The following AKR1E2 variants were observed in gnomAD, a reference collection of about 807,000 sequenced individuals.
AKR1E2 encodes the protein aldo-keto reductase family 1 member E2.
Under a neutral mutation model 41.9 loss-of-function variants are expected in AKR1E2, and 43 were observed. That is an observed-to-expected ratio of 1.03 (90% CI 0.80 to 1.32). The LOEUF (loss-of-function observed/expected upper bound fraction) is 1.32, where lower values mean the gene tolerates loss of function less well. Among genes scored for constraint, AKR1E2 ranks in the 40% most tolerant of loss-of-function variants. The pLI is 0.00. For missense variants in AKR1E2, 423 were observed against 396.5 expected, an observed-to-expected ratio of 1.07 and a Z score of -0.57; for synonymous variants, 121 against 138.9, an observed-to-expected ratio of 0.87 and a Z score of 0.91.
At chr10:4,870,496 T>C in the AKR1E2 span, among the ~76,000 whole-genome samples, 1 of 28,212 alleles carries the variant, frequency 3.5e-5, no homozygotes, top group Admixed American at 5.7e-4. Flanking sequence ...AAAAAATCTT[T>C]TATTTTACCT....
intron 8 of AKR1E2, among the ~76,000 whole-genome samples, chr10:4,844,278 C>T (rs1021230302): frequency 2.4e-4 from 37 of 151,952 alleles, no homozygotes; most frequent in Admixed American, 1.8e-3. Flanking sequence ...TGGAGTTGTT[C>T]GTTCCTCCCG....
At chr10:4,854,095 T>TTG in the AKR1E2 span, among the ~76,000 whole-genome samples, 3,069 of 140,252 alleles carry the variant, frequency 0.022, 85 homozygotes, top group East Asian at 0.058. Flanking sequence ...GTTTTTTTTT[T>TTG]TTTTTTTTTT....
the AKR1E2 span, among the ~76,000 whole-genome samples, chr10:4,853,419 T>C: frequency 6.7e-6 from 1 of 148,186 alleles, no homozygotes; most frequent in Non-Finnish European, 1.5e-5. Flanking sequence ...TTAATTGCAA[T>C]ATTGCAATGA....
Position 4,827,075 on chromosome 10 carries a change from G to GAA in AKR1E2, c.39+729_39+730dup, listed in dbSNP as rs5782783. On this transcript the variant is annotated intron_variant, in intron 1 of 9. Transcript: ENST00000298375. ...TTGGGGACAGAGCCAGACCTTGCTG[G>GAA]AAAAAAAAAAAAAAAAAAGAAAAAA... Among the ~76,000 whole-genome samples, 448 of 123,102 alleles carry GAA rather than the reference G, an allele frequency of 3.6e-3. 2 individuals are homozygous for GAA. The highest frequency in any genetic ancestry group is 9.2e-3 in the East Asian group (41 of 4,468). The allele number at this position is 123,102 out of a possible 152,430, so 80.8% of individuals were successfully genotyped here. A position where few individuals can be genotyped will look rare whatever the true frequency, so the allele number is the denominator to read the frequency against.
At chr10:4,832,142 C>T (rs1354839230) in intron 2 of AKR1E2, among the ~76,000 whole-genome samples, 1 of 152,056 alleles carries the variant, frequency 6.6e-6, no homozygotes, top group African/African-American at 2.4e-5. Flanking sequence ...GATCAGGAGT[C>T]ATGGGTTCAT....
chr10:4,832,119 T>TG (rs2131506514), intron 2 of AKR1E2, among the ~76,000 whole-genome samples: 1 of 29,178 alleles, frequency 3.4e-5, no homozygotes, highest in South Asian at 1.4e-3. Flanking sequence ...GGAAGCAGAA[T>TG]GTAAGACCAT....
the AKR1E2 span, among the ~76,000 whole-genome samples, chr10:4,854,102 T>TG: frequency 6.7e-6 from 1 of 149,886 alleles, no homozygotes; most frequent in African/African-American, 2.5e-5. Context: ...TTTTTTTTTT[T>TG]TTTTTTTTTT....
downstream of AKR1E2, among the ~76,000 whole-genome samples, chr10:4,849,359 A>C (rs1395950903): frequency 3.3e-5 from 5 of 152,184 alleles, no homozygotes; most frequent in African/African-American, 1.2e-4. Context: ...TTAAACCTTT[A>C]AACTCTTTGT....
chr10:4,857,134 ATTG>A, the AKR1E2 span, among the ~76,000 whole-genome samples: 4 of 152,104 alleles, frequency 2.6e-5, no homozygotes, highest in African/African-American at 9.7e-5. Context: ...CACTTACCAT[ATTG>A]TTTTCAAGAC....
At chr10:4,861,658 C>T in the AKR1E2 span, among the ~76,000 whole-genome samples, 4 of 152,190 alleles carry the variant, frequency 2.6e-5, no homozygotes, top group South Asian at 2.1e-4. Flanking sequence ...CATGAACCAC[C>T]GCGCCTGGCC....
the AKR1E2 span, among the ~76,000 whole-genome samples, chr10:4,866,826 C>T: frequency 1.3e-5 from 2 of 151,792 alleles, no homozygotes; most frequent in African/African-American, 2.4e-5. Context: ...TCAAAGCTGC[C>T]TTCTTGTGCT....
chr10:4,825,565 T>C (rs188404110), upstream of AKR1E2, among the ~76,000 whole-genome samples: 143 of 152,286 alleles, frequency 9.4e-4, no homozygotes, highest in African/African-American at 3.3e-3. Flanking sequence ...ACCCCCGCTG[T>C]CCTGCAAGCC....
the AKR1E2 span, among the ~76,000 whole-genome samples, chr10:4,865,250 A>C: frequency 6.6e-6 from 1 of 152,210 alleles, no homozygotes; most frequent in Non-Finnish European, 1.5e-5. Context: ...CTTTTAAATC[A>C]TTAAGAAAAT....
downstream of AKR1E2, among the ~76,000 whole-genome samples, chr10:4,851,598 A>G (rs1294021105): frequency 6.6e-6 from 1 of 152,228 alleles, no homozygotes; most frequent in Non-Finnish European, 1.5e-5. Flanking sequence ...ATTAGCTAGT[A>G]CTAACTCGAT....
intron 1 of AKR1E2, among the ~76,000 whole-genome samples, chr10:4,826,654 C>T (rs1832537361): frequency 6.6e-6 from 1 of 152,188 alleles, no homozygotes; most frequent in Admixed American, 6.5e-5. Context: ...TTGGGCGGGG[C>T]TGCTCTGTGG....
intron 8 of AKR1E2, among the ~76,000 whole-genome samples, chr10:4,843,642 A>G (rs17133752): frequency 0.035 from 5,309 of 152,302 alleles, 150 homozygotes; most frequent in East Asian, 0.12. Flanking sequence ...CCCATCTGTA[A>G]CAGTGCCTGT....
chr10:4,841,594 G>A (rs1432748965), intron 6 of AKR1E2, among the ~76,000 whole-genome samples, 191 bp from the exon 7 acceptor site: 1 of 152,106 alleles, frequency 6.6e-6, no homozygotes, highest in Non-Finnish European at 1.5e-5. Context: ...TCACCAAAGT[G>A]TTAGCAGTGG....
In AKR1E2 at chr10:4,835,554, C is replaced by T. The variant is rs1488000765; in HGVS notation, c.325-121C>T. On this transcript the variant is annotated intron_variant, in intron 3 of 9. Coordinates refer to ENST00000298375, the MANE Select transcript of AKR1E2 (RefSeq NM_001040177.3). ...GAAAGGTGAAGACTGGGCCTGGTCA[C>T]ATGGCCAGGCTGGGGTTGCTTAGTG... The T allele has an allele frequency of 2.4e-6, 3 of 1,276,304 alleles. No individual in the cohort carries two copies. In the East Asian group the frequency reaches 7.7e-5, roughly 33 times the overall value. The allele number at this position is 1,276,304 out of a possible 1,614,324, so 79.1% of individuals were successfully genotyped here.
At chr10:4,825,178 G>A (rs1309627456), upstream of AKR1E2, 6 of 344,050 alleles carry the variant, frequency 1.7e-5, no homozygotes, top group Non-Finnish European at 3.1e-5. Context: ...GACACCCAGA[G>A]TGACCCTGGG....
Sources: allele counts gnomAD v4.1 joint callset (sites outside exome capture counted in the v4.1 genomes callset), GRCh38; gene constraint gnomAD v4.1.1; transcripts MANE v1.5; gene names NCBI Gene and HGNC (gene_info 2026-07-23, HGNC 2026-07-21).